The following CACNA1C variants were observed in gnomAD, a reference collection of about 807,000 sequenced individuals.
The protein encoded by CACNA1C is voltage-dependent L-type calcium channel subunit alpha-1C.
Under a neutral mutation model 229.0 loss-of-function variants are expected in CACNA1C, and 30 were observed. That is an observed-to-expected ratio of 0.13 (90% CI 0.10 to 0.18). The LOEUF is 0.18. Ranked by LOEUF, CACNA1C falls within the 10% of genes least tolerant of loss-of-function variation. The pLI, the probability that CACNA1C is intolerant of heterozygous loss-of-function variation, is 1.00. For missense variants in CACNA1C, 1,658 were observed against 2,845.0 expected, an observed-to-expected ratio of 0.58 and a Z score of 9.49; for synonymous variants, 1,114 against 1,132.5, an observed-to-expected ratio of 0.98 and a Z score of 0.33.
At chr12:2,596,156 G>C (rs2068072908) in intron 20 of CACNA1C, 153 bp downstream of exon 20, 1 of 686,802 alleles carries the variant, frequency 1.5e-6, no homozygotes, top group Non-Finnish European at 2.3e-6. Context: ...GTAGGGCTTT[G>C]ATAGAAAACC....
intron 3 of CACNA1C, among the ~76,000 whole-genome samples, chr12:2,323,828 G>T (rs571951463): frequency 1.3e-4 from 20 of 152,254 alleles, no homozygotes; most frequent in African/African-American, 4.8e-4. Context: ...AGCTTTTGGT[G>T]GGGGAGGGGG....
At chr12:2,463,804 G>A (rs1166683378) in intron 5 of CACNA1C, among the ~76,000 whole-genome samples, 1 of 152,134 alleles carries the variant, frequency 6.6e-6, no homozygotes, top group African/African-American at 2.4e-5. Flanking sequence ...TGGCCATTTG[G>A]CTTCATAGAG....
chr12:2,004,306 G>A, intron 1 of CACNA1C: 1 of 1,613,326 alleles, frequency 6.2e-7, no homozygotes, highest in Non-Finnish European at 8.5e-7. Flanking sequence ...GATGGCCGAA[G>A]GTGTACAGAG....
Position 2,611,570 on chromosome 12 carries a change from T to C in CACNA1C, c.3718-333T>C, listed in dbSNP as rs216006. Among the ~76,000 whole-genome samples, 32,382 of 151,726 alleles carry C rather than the reference T, an allele frequency of 0.21. 3,606 individuals are homozygous for C. Among genetic ancestry groups the C allele is most frequent in the East Asian group, 0.36 (1,870 of 5,136 alleles). On this transcript the variant is annotated intron_variant, in intron 28 of 46. Transcript: ENST00000399655. The stretch of plus-strand genomic sequence containing the variant: ...CTGGACGCATTCGTTGTCGGTAAGG[T>C]GTGGCGTGTGGAGGGAGGTGGGTTC...
At chr12:2,641,892 C>T (rs2093745244) in intron 30 of CACNA1C, 2 of 654,342 alleles carry the variant, frequency 3.1e-6, no homozygotes, top group Admixed American at 2.2e-5. Flanking sequence ...CAGAGCCACC[C>T]TCATTCCTAG....
chr12:2,429,479 A>G (rs1334154852), intron 3 of CACNA1C, among the ~76,000 whole-genome samples: 1 of 152,084 alleles, frequency 6.6e-6, no homozygotes, highest in Non-Finnish European at 1.5e-5. Flanking sequence ...GAGTCAGAAA[A>G]CTTAGGTATA....
At chr12:2,065,028 C>A (rs1344784560) in intron 1 of CACNA1C, among the ~76,000 whole-genome samples, 3 of 152,218 alleles carry the variant, frequency 2.0e-5, no homozygotes, top group African/African-American at 7.2e-5. Context: ...TTAGTAAATT[C>A]CTCTCCTTTG....
intron 3 of CACNA1C, among the ~76,000 whole-genome samples, chr12:2,224,082 C>T (rs1334249599): frequency 6.6e-6 from 1 of 152,180 alleles, no homozygotes; most frequent in Non-Finnish European, 1.5e-5. Context: ...AACACTCTGA[C>T]AGGTAGAGAT....
intron 3 of CACNA1C, among the ~76,000 whole-genome samples, chr12:2,250,413 C>A (rs962171605): frequency 3.9e-5 from 6 of 152,236 alleles, no homozygotes; most frequent in Admixed American, 3.9e-4. Context: ...CATCCCGAGA[C>A]CTTTAGTCAG....
intron 3 of CACNA1C, among the ~76,000 whole-genome samples, chr12:2,148,927 T>C (rs976158726): frequency 5.1e-4 from 78 of 152,332 alleles, no homozygotes; most frequent in African/African-American, 1.9e-3. Flanking sequence ...CTCATTGCTT[T>C]GCAGCCTGTC....
At chr12:2,578,159 C>T (rs138502882) in intron 13 of CACNA1C, among the ~76,000 whole-genome samples, 6,727 of 152,258 alleles carry the variant, frequency 0.044, 199 homozygotes, top group Middle Eastern at 0.068. Context: ...TGAGCCACCG[C>T]GCCCGGCCAG....
In CACNA1C at chr12:2,512,679, C is replaced by T. The variant is rs1026641335; in HGVS notation, c.1218-133C>T. The T allele has an allele frequency of 1.5e-6, 1 of 654,658 alleles. No individual in the cohort carries two copies. Among genetic ancestry groups the T allele is most frequent in the Non-Finnish European group, 2.5e-6 (1 of 392,370 alleles). The allele number at this position is 654,658 out of a possible 1,614,324, so 40.6% of individuals were successfully genotyped here. On this transcript the variant is annotated intron_variant, in intron 8 of 46. Coordinates refer to ENST00000399655, the MANE Select transcript of CACNA1C (RefSeq NM_000719.7). The surrounding 1 kb of genome is among the most constrained non-coding windows in gnomAD (Gnocchi z 4.3). ...TCTGTGGAAAGTAGGGGCGTGTGGGCAGGTTTCTCCCTGCAAAGCAATTAA... is the reference window on the plus strand; with the variant it reads ...TCTGTGGAAAGTAGGGGCGTGTGGGTAGGTTTCTCCCTGCAAAGCAATTAA...
At chr12:2,107,227 G>T (rs1228154654) in intron 1 of CACNA1C, among the ~76,000 whole-genome samples, 4 of 137,500 alleles carry the variant, frequency 2.9e-5, no homozygotes, top group African/African-American at 1.1e-4. Flanking sequence ...AAGCCGCTGG[G>T]CGTCCTTAAG....
intron 3 of CACNA1C, among the ~76,000 whole-genome samples, chr12:2,327,153 A>G (rs1040698502): frequency 2.0e-5 from 3 of 152,186 alleles, no homozygotes; most frequent in Admixed American, 2.0e-4. Context: ...TTTACATAAG[A>G]GAGAAGAAAT....
chr12:2,104,381 T>G lies in CACNA1C; in HGVS notation c.50-10843T>G, dbSNP rs141792485. Among the ~76,000 whole-genome samples, 809 of 152,356 alleles carry G rather than the reference T, an allele frequency of 5.3e-3. 33 individuals are homozygous for G. Among genetic ancestry groups the G allele is most frequent in the Admixed American group, 0.048 (737 of 15,300 alleles). On this transcript the variant is annotated intron_variant, in intron 1 of 46. Transcript: ENST00000399655. Reference sequence around the variant, plus strand: ...CATGATTTGGCTGTCTGTCCGTTATTGGTGTATAGGAATGCTTGTGATTTT... The same window carrying G: ...CATGATTTGGCTGTCTGTCCGTTATGGGTGTATAGGAATGCTTGTGATTTT...
chr12:2,567,015 C>T (rs1428165372), intron 12 of CACNA1C, among the ~76,000 whole-genome samples: 3 of 152,226 alleles, frequency 2.0e-5, no homozygotes, highest in Non-Finnish European at 4.4e-5. Flanking sequence ...GGCCTGAGCA[C>T]AAGGAACCGT....
intron 3 of CACNA1C, among the ~76,000 whole-genome samples, chr12:2,123,239 G>A (rs1204010535): frequency 1.3e-5 from 2 of 152,106 alleles, no homozygotes; most frequent in African/African-American, 2.4e-5. Context: ...AGCCAGGCGT[G>A]GTGGCGGGCA....
intron 1 of CACNA1C, among the ~76,000 whole-genome samples, chr12:1,975,395 T>G (rs1437542652): frequency 1.3e-5 from 2 of 152,178 alleles, no homozygotes; most frequent in Non-Finnish European, 2.9e-5. Context: ...TATTTGAAAC[T>G]ATTTACTAAA....
chr12:1,977,842 A>G (rs895851016), intron 1 of CACNA1C, among the ~76,000 whole-genome samples: 2 of 152,256 alleles, frequency 1.3e-5, no homozygotes, highest in African/African-American at 4.8e-5. Flanking sequence ...TACTATGGGT[A>G]TATACAGGTA....
Sources: gnomAD v4.1 joint callset for allele counts (sites outside exome capture counted in the v4.1 genomes callset) on GRCh38, gnomAD v4.1.1 for gene constraint, Gnocchi (gnomAD v3.1) non-coding constraint, MANE v1.5 for transcripts, NCBI Gene and HGNC (gene_info 2026-07-23, HGNC 2026-07-21) for gene names.